The following CSDE1 variants were observed in gnomAD, a reference collection of about 807,000 sequenced individuals.
CSDE1 encodes the protein cold shock domain containing E1, also known as cold shock domain-containing protein E1.
In CSDE1, 17 loss-of-function variants were observed where a neutral mutation model predicts 89.3. The ratio of observed to expected loss-of-function variants is 0.19; its 90% CI spans 0.13 to 0.29. The LOEUF is 0.29. Ranked by LOEUF, CSDE1 falls within the 10% of genes least tolerant of loss-of-function variation. CSDE1 has a pLI of 1.00. For synonymous variants in CSDE1, 322 were observed against 332.8 expected (o/e 0.97, Z 0.35); for missense variants, 672 against 984.2 (o/e 0.68, Z 4.24).
Position 114,724,368 on chromosome 1 carries a change from C to T in CSDE1, c.1754-366G>A, listed in dbSNP as rs546035050. 6 of 186,446 alleles carry T rather than the reference C, an allele frequency of 3.2e-5. No homozygotes were observed. The Admixed American group carries it at 3.3e-4, about 10-fold the overall frequency. The allele number at this position is 186,446 out of a possible 1,614,324, so 11.5% of individuals were successfully genotyped here. On this transcript the variant is annotated intron_variant, in intron 15 of 19. Transcript: ENST00000358528. ...GTAAATCACAATACTTACATACTGT[C>T]CTGATTCATCTTTATTACATGTATT...
intron 2 of CSDE1, among the ~76,000 whole-genome samples, chr1:114,744,612 C>A (rs554176744): frequency 1.6e-3 from 246 of 151,878 alleles, no homozygotes; most frequent in Non-Finnish European, 2.7e-3. Context: ...CAAACAAAAA[C>A]CCCAAAACAT....
At chr1:114,720,513 T>G (rs1467406131) in intron 17 of CSDE1, 26 bp downstream of exon 17, 1 of 1,578,012 alleles carries the variant, frequency 6.3e-7, no homozygotes, top group Non-Finnish European at 8.6e-7. Flanking sequence ...AGGATCAAAT[T>G]CAGATACAGA....
intron 9 of CSDE1, among the ~76,000 whole-genome samples, chr1:114,733,504 G>A (rs1439557537): frequency 5.7e-5 from 8 of 139,212 alleles, no homozygotes; most frequent in African/African-American, 1.6e-4. Context: ...CCAGCCTGGC[G>A]ACAGAGCGAG....
At chr1:114,719,492 C>A in intron 18 of CSDE1, 87 bp downstream of exon 18, 2 of 1,289,814 alleles carry the variant, frequency 1.6e-6, no homozygotes, top group South Asian at 1.6e-5. Context: ...GAAGACAAGG[C>A]ACAGAAAAGT....
At chr1:114,734,204 T>G in intron 7 of CSDE1, 87 bp from the exon 8 acceptor site, 1 of 1,410,662 alleles carries the variant, frequency 7.1e-7, no homozygotes, top group Non-Finnish European at 9.6e-7. Context: ...TTTGTAAAAT[T>G]ATACTGTAGT....
intron 1 of CSDE1, among the ~76,000 whole-genome samples, chr1:114,752,231 C>T (rs766379847): frequency 1.3e-5 from 2 of 152,148 alleles, no homozygotes; most frequent in Non-Finnish European, 2.9e-5. Context: ...AGATCAGAAC[C>T]TTGTCTCAAA....
chr1:114,731,874 G>A (rs1023939078), intron 10 of CSDE1, among the ~76,000 whole-genome samples: 2 of 152,186 alleles, frequency 1.3e-5, no homozygotes, highest in African/African-American at 2.4e-5. Context: ...CAGGGCAACG[G>A]CATGGTATTG....
chr1:114,734,592 A>T (rs1038349204), intron 6 of CSDE1, 69 bp from the exon 7 acceptor site: 2 of 1,240,176 alleles, frequency 1.6e-6, no homozygotes, highest in African/African-American at 3.1e-5. Flanking sequence ...CTGCTTAGAT[A>T]TGAGTCTAAA....
chr1:114,731,900 T>G (rs186308174), intron 10 of CSDE1, among the ~76,000 whole-genome samples: 2 of 152,332 alleles, frequency 1.3e-5, no homozygotes, highest in Non-Finnish European at 2.9e-5. Context: ...CTGCAACCTC[T>G]GCCTCCTAGG....
chr1:114,734,699 A>C (rs1660296348), intron 6 of CSDE1, among the ~76,000 whole-genome samples, 176 bp from the exon 7 acceptor site: 1 of 152,226 alleles, frequency 6.6e-6, no homozygotes, highest in African/African-American at 2.4e-5. Flanking sequence ...TTATATGCAA[A>C]GGACTTTAAC....
At position 114,716,923 on chromosome 1, in the gene CSDE1, T is replaced by C. The variant is rs1371213463; in HGVS notation, c.*1246A>G. 1.3e-5 allele frequency: 2 copies of C among 152,688 alleles called. No individual in the cohort carries two copies. The highest frequency in any genetic ancestry group is 2.4e-5 in the African/African-American group (1 of 41,454). The allele number at this position is 152,688 out of a possible 1,614,324, so 9.5% of individuals were successfully genotyped here. ...AATGAAAGCGCTAGGTGCTAGTGTC[T>C]CAAAAATCAGTAAAACTTTATTCGC... On this transcript the variant is annotated 3_prime_UTR_variant, in exon 20 of 20. Coordinates refer to ENST00000358528, the MANE Select transcript of CSDE1 (RefSeq NM_001007553.3).
chr1:114,739,334 A>G (rs562591754), intron 3 of CSDE1, among the ~76,000 whole-genome samples: 2 of 152,186 alleles, frequency 1.3e-5, no homozygotes, highest in Non-Finnish European at 2.9e-5. Flanking sequence ...CCCAGCTTCT[A>G]AGAGGTGACA....
intron 1 of CSDE1, among the ~76,000 whole-genome samples, chr1:114,754,064 C>G (rs1661456217): frequency 6.6e-6 from 1 of 152,364 alleles, no homozygotes; most frequent in Non-Finnish European, 1.5e-5. Context: ...TACTTAATCA[C>G]TGCAATCTCC....
rs1406434431 is a variant in CSDE1, at chr1:114,733,762, T to C, written c.807A>G (p.Lys269=). ...TTTTACTGGGTACTTTTGGGATAAC[T>C]TTGGTTACAGTTCCTTCAAAATGTT... The part of the protein sequence containing the change: ...SIEHFEGTVT[K]VIPKVPSKNQ... The change falls in exon 9 of 20, where the codon AAA becomes AAG. Residue 269 remains lysine, a synonymous_variant. Coordinates refer to ENST00000358528, the MANE Select transcript of CSDE1 (RefSeq NM_001007553.3). The C allele has an allele frequency of 1.2e-6, 2 of 1,613,888 alleles. No homozygotes were observed. Among genetic ancestry groups the C allele is most frequent in the Non-Finnish European group, 1.7e-6 (2 of 1,179,952 alleles).
intron 2 of CSDE1, among the ~76,000 whole-genome samples, chr1:114,740,607 GA>G (rs1660676095): frequency 6.6e-6 from 1 of 152,166 alleles, no homozygotes; most frequent in South Asian, 2.1e-4. Context: ...ACATACTGAT[GA>G]AATCTGTAAC....
chr1:114,734,161 C>G (rs751951035), intron 7 of CSDE1, 44 bp from the exon 8 acceptor site: 5 of 1,576,310 alleles, frequency 3.2e-6, no homozygotes, highest in Non-Finnish European at 3.4e-6. Flanking sequence ...CCACTCTGTA[C>G]AAATTTATGA....
chr1:114,756,354 C>T (rs575159508), intron 1 of CSDE1, among the ~76,000 whole-genome samples: 2 of 152,254 alleles, frequency 1.3e-5, no homozygotes, highest in South Asian at 2.1e-4. Context: ...AAATATTTAT[C>T]TAAGTTTTAT....
chr1:114,718,758 C>T lies in CSDE1; in HGVS notation c.2217-13G>A, dbSNP rs776460564. 6.2e-7 allele frequency: 1 copy of T among 1,612,448 alleles called. No individual in the cohort carries two copies. The highest frequency in any genetic ancestry group is 8.5e-7 in the Non-Finnish European group (1 of 1,179,382). On this transcript the variant is annotated splice_polypyrimidine_tract_variant and intron_variant, in intron 18 of 19. Transcript: ENST00000358528. ...CTTGGGGCCCTCACTGTAATTAAGT[C>T]AAAAGATGAGAAGAAACCACACTTG...
rs745701658 is a variant in CSDE1, at chr1:114,730,246, T to C, written c.1356+12A>G. On this transcript the variant is annotated intron_variant, in intron 12 of 19. Coordinates refer to ENST00000358528, the MANE Select transcript of CSDE1 (RefSeq NM_001007553.3). ...ACAGCTACAAAAATCATTTGGATTA[T>C]GCAAAACCTACCTTCTCTTTGCCTT... is the stretch of plus-strand genomic sequence containing the variant. The C allele has an allele frequency of 1.7e-5, 27 of 1,612,232 alleles. No individual in the cohort carries two copies. Among genetic ancestry groups the C allele is most frequent in the East Asian group, 1.6e-4 (7 of 44,872 alleles).
Sources: allele counts gnomAD v4.1 joint callset (sites outside exome capture counted in the v4.1 genomes callset), GRCh38; gene constraint gnomAD v4.1.1; transcripts MANE v1.5; gene names NCBI Gene and HGNC (gene_info 2026-07-23, HGNC 2026-07-21).